ULK4: variants seen among roughly 807,000 people sequenced by gnomAD.
ULK4 encodes unc-51 like kinase 4, also known as inactive serine/threonine-protein kinase ULK4.
A neutral mutation model predicts 160.6 loss-of-function variants in ULK4; 133 were observed. The ratio of observed to expected loss-of-function variants is 0.83; its 90% CI spans 0.72 to 0.96. The LOEUF is 0.96. Among genes scored for constraint, ULK4 ranks in the 40% least tolerant of loss-of-function variants. The pLI, the probability that ULK4 is intolerant of heterozygous loss-of-function variation, is 0.00. For synonymous variants in ULK4, 534 were observed against 539.8 expected (o/e 0.99, Z 0.15); for missense variants, 1,580 against 1,499.5 (o/e 1.05, Z -0.89).
At chr3:41,612,943 G>C (rs1275853433) in intron 31 of ULK4, among the ~76,000 whole-genome samples, 1 of 152,158 alleles carries the variant, frequency 6.6e-6, no homozygotes, top group African/African-American at 2.4e-5. Flanking sequence ...GGAAAACAGG[G>C]ATGGGCTAAA....
intron 29 of ULK4, among the ~76,000 whole-genome samples, chr3:41,672,918 C>G (rs929165252): frequency 1.3e-5 from 2 of 152,096 alleles, no homozygotes; most frequent in Non-Finnish European, 2.9e-5. Flanking sequence ...TTCACTGCAG[C>G]CTTGACTTTC....
chr3:41,819,638 C>G (rs1415628599), intron 18 of ULK4, 132 bp from the exon 19 acceptor site: 3 of 678,286 alleles, frequency 4.4e-6, no homozygotes, highest in Non-Finnish European at 7.2e-6. Context: ...GTATTACTTA[C>G]TATCTGATGA....
intron 34 of ULK4, among the ~76,000 whole-genome samples, chr3:41,413,419 T>C (rs898183483): frequency 6.6e-6 from 1 of 152,200 alleles, no homozygotes; most frequent in South Asian, 2.1e-4. Context: ...ATAGGCATAA[T>C]TGCAAAAGAA....
intron 22 of ULK4, among the ~76,000 whole-genome samples, chr3:41,723,495 G>A (rs1049007407): frequency 1.3e-5 from 2 of 152,066 alleles, no homozygotes; most frequent in African/African-American, 4.8e-5. Context: ...TAATTTCATT[G>A]TTTTTCCAAG....
intron 35 of ULK4, among the ~76,000 whole-genome samples, chr3:41,327,782 C>T (rs1386900200): frequency 6.6e-6 from 1 of 152,118 alleles, no homozygotes; most frequent in East Asian, 1.9e-4. Context: ...AGCATCAAGG[C>T]ATACAATTAA....
intron 32 of ULK4, among the ~76,000 whole-genome samples, chr3:41,467,518 C>G (rs1044822798): frequency 6.6e-6 from 1 of 152,290 alleles, no homozygotes; most frequent in South Asian, 2.1e-4. Context: ...TAGAGCACGA[C>G]TCTGTTACAA....
intron 32 of ULK4, among the ~76,000 whole-genome samples, chr3:41,500,224 GTTTT>G (rs34408113): frequency 7.2e-6 from 1 of 138,494 alleles, no homozygotes; most frequent in African/African-American, 2.7e-5. Context: ...TTCCTTCAGG[GTTTT>G]TTTTTTCTAG....
Position 41,283,823 on chromosome 3 carries a change from A to G in ULK4, c.3679-34249T>C, listed in dbSNP as rs187985012. On this transcript the variant is annotated intron_variant, in intron 35 of 36. Coordinates refer to ENST00000301831, the MANE Select transcript of ULK4 (RefSeq NM_017886.4). ...AAAAAAAAACCCTAAAGACTCCCCC[A>G]GAAAGCTCCTAGAACTGATAAAAAA... is the stretch of plus-strand genomic sequence containing the variant. Among the ~76,000 whole-genome samples, 1,132 of 137,802 alleles carry G rather than the reference A, an allele frequency of 8.2e-3. 8 individuals are homozygous for G. Among genetic ancestry groups the G allele is most frequent in the Non-Finnish European group, 0.013 (840 of 65,522 alleles). The allele number at this position is 137,802 out of a possible 152,430, so 90.4% of individuals were successfully genotyped here.
chr3:41,736,616 C>T (rs1438554420), intron 22 of ULK4, among the ~76,000 whole-genome samples: 5 of 151,620 alleles, frequency 3.3e-5, no homozygotes, highest in African/African-American at 1.2e-4. Flanking sequence ...GAGTAGGTTG[C>T]AAAAATTTTC....
chr3:41,786,427 C>T (rs2039998481), intron 21 of ULK4, among the ~76,000 whole-genome samples: 2 of 151,738 alleles, frequency 1.3e-5, no homozygotes, highest in South Asian at 2.1e-4. Flanking sequence ...ATAGCAAGAC[C>T]CCATCTCTAC....
In ULK4 at chr3:41,463,797, G is replaced by A. The variant is rs118133937; in HGVS notation, c.3227-544C>T. Among the ~76,000 whole-genome samples, 22 of 152,184 alleles carry A rather than the reference G, an allele frequency of 1.4e-4. 1 individual carries two copies. In the East Asian group the frequency reaches 4.1e-3, roughly 28 times the overall value. ...AACAGTGTGGTTGGTCTTTACTGAT[G>A]TTTAGTTTGATATAGTCTGTTACAA... On this transcript the variant is annotated intron_variant, in intron 32 of 36. Coordinates refer to ENST00000301831, the MANE Select transcript of ULK4 (RefSeq NM_017886.4).
chr3:41,650,065 C>T (rs955815723), intron 30 of ULK4, among the ~76,000 whole-genome samples: 2 of 151,988 alleles, frequency 1.3e-5, no homozygotes, highest in African/African-American at 2.4e-5. Flanking sequence ...AGGGAGCTAC[C>T]CACCACAGGT....
intron 27 of ULK4, among the ~76,000 whole-genome samples, chr3:41,698,511 A>ATTC (rs551134653): frequency 4.9e-4 from 75 of 152,328 alleles, no homozygotes; most frequent in South Asian, 3.9e-3. Context: ...TGTTCAACCA[A>ATTC]TAAGGATAAT....
At chr3:41,655,333 C>T (rs2125746776) in intron 30 of ULK4, among the ~76,000 whole-genome samples, 1 of 130,428 alleles carries the variant, frequency 7.7e-6, no homozygotes, top group Admixed American at 9.7e-5. Context: ...ACAATGAGAA[C>T]ACATGGACAC....
At chr3:41,636,683 G>A (rs894494198) in intron 30 of ULK4, among the ~76,000 whole-genome samples, 8 of 151,996 alleles carry the variant, frequency 5.3e-5, no homozygotes, top group African/African-American at 1.9e-4. Context: ...GTATACATGT[G>A]CCATGCTGGT....
chr3:41,334,310 T>A (rs2080507693), intron 35 of ULK4, among the ~76,000 whole-genome samples: 1 of 152,142 alleles, frequency 6.6e-6, no homozygotes, highest in South Asian at 2.1e-4. Context: ...GCCCGTTGCA[T>A]CTCTTCAGGT....
At chr3:41,519,079 C>T (rs1360093894) in intron 32 of ULK4, among the ~76,000 whole-genome samples, 1 of 152,206 alleles carries the variant, frequency 6.6e-6, no homozygotes, top group Non-Finnish European at 1.5e-5. Flanking sequence ...GTTCAGTCTC[C>T]CTTTGAGGCT....
intron 19 of ULK4, among the ~76,000 whole-genome samples, chr3:41,806,374 T>G (rs1047357123): frequency 6.6e-5 from 10 of 152,206 alleles, no homozygotes; most frequent in African/African-American, 2.4e-4. Context: ...TTCTTCTCTC[T>G]TTTCTTCTTT....
At chr3:41,935,763 C>A in intron 4 of ULK4, 38 bp downstream of exon 4, 1 of 1,580,428 alleles carries the variant, frequency 6.3e-7, no homozygotes, top group Middle Eastern at 1.8e-4. Context: ...TAATTTGAGA[C>A]AGAAGCAGTT....
Sources: gnomAD v4.1 joint callset for allele counts (sites outside exome capture counted in the v4.1 genomes callset) on GRCh38, gnomAD v4.1.1 for gene constraint, MANE v1.5 for transcripts, NCBI Gene and HGNC (gene_info 2026-07-23, HGNC 2026-07-21) for gene names.